The following LRMDA variants were observed in gnomAD, a reference collection of about 807,000 sequenced individuals.
The protein encoded by LRMDA is leucine rich melanocyte differentiation associated.
In LRMDA, 18 loss-of-function variants were observed where a neutral mutation model predicts 29.8. The observed-to-expected ratio is 0.60, with a 90% confidence interval of 0.42 to 0.90. LRMDA has a LOEUF of 0.90. Among genes scored for constraint, LRMDA ranks in the 40% least tolerant of loss-of-function variants. The probability of loss-of-function intolerance (pLI) is 0.00; values close to 1 mark genes in which losing one functional copy is unlikely to be tolerated. For synonymous variants in LRMDA, 125 were observed against 109.4 expected (o/e 1.14, Z -0.89); for missense variants, 273 against 273.9 (o/e 1.00, Z 0.02).
At chr10:76,310,974 G>T (rs1253943237) in intron 5 of LRMDA, among the ~76,000 whole-genome samples, 1 of 152,210 alleles carries the variant, frequency 6.6e-6, no homozygotes, top group East Asian at 1.9e-4. Context: ...CTCTTGCAAA[G>T]AGTGAGAGCA....
intron 2 of LRMDA, among the ~76,000 whole-genome samples, chr10:76,012,489 G>A (rs1012927156): frequency 1.3e-5 from 2 of 152,224 alleles, no homozygotes; most frequent in Non-Finnish European, 2.9e-5. Context: ...TTTCCTCCGA[G>A]TCTTTTTTAA....
intron 2 of LRMDA, among the ~76,000 whole-genome samples, chr10:75,753,017 T>G (rs1384033959): frequency 2.0e-5 from 3 of 152,178 alleles, no homozygotes; most frequent in Non-Finnish European, 4.4e-5. Flanking sequence ...AGATTGTGTC[T>G]GATTCAGATA....
chr10:76,389,203 G>C (rs7909862), intron 6 of LRMDA, among the ~76,000 whole-genome samples: 47,928 of 152,072 alleles, frequency 0.32, 10,571 homozygotes, highest in African/African-American at 0.62. Context: ...ACGGCATGTA[G>C]AAAGCCCCCA....
chr10:75,979,659 C>T (rs1427230243), intron 2 of LRMDA, among the ~76,000 whole-genome samples: 1 of 152,028 alleles, frequency 6.6e-6, no homozygotes, highest in African/African-American at 2.4e-5. Context: ...CTTCCCTTTT[C>T]CCCTTCTCTG....
At chr10:75,441,907 G>A (rs1353870733) in intron 2 of LRMDA, among the ~76,000 whole-genome samples, 1 of 152,138 alleles carries the variant, frequency 6.6e-6, no homozygotes. Flanking sequence ...TTACTTTTAG[G>A]CAAGGAGTTC....
chr10:76,091,279 G>A (rs931335844), intron 5 of LRMDA, among the ~76,000 whole-genome samples: 7 of 29,328 alleles, frequency 2.4e-4, no homozygotes, highest in South Asian at 1.3e-3. Flanking sequence ...TGGTGGACGT[G>A]TGTGTGTGTG....
At position 75,485,843 on chromosome 10, in the gene LRMDA, G is replaced by A. The variant is rs140368143; in HGVS notation, c.131+47349G>A. On this transcript the variant is annotated intron_variant, in intron 2 of 6. Transcript: ENST00000611255. ...TCTGCCTGCCTTGGCATCCCAAAGT[G>A]CTGGGGTTACAGATGTGAGCCACTG... 4.4e-3 allele frequency among the ~76,000 whole-genome samples: 666 copies of A among 152,274 alleles called. 3 individuals are homozygous for A. Among genetic ancestry groups the A allele is most frequent in the African/African-American group, 0.015 (637 of 41,544 alleles).
chr10:76,041,771 T>G (rs1037390613), intron 3 of LRMDA, among the ~76,000 whole-genome samples: 4 of 152,162 alleles, frequency 2.6e-5, no homozygotes, highest in Non-Finnish European at 5.9e-5. Context: ...AGCTGGGCTC[T>G]GCAATGGCAA....
chr10:76,126,950 C>T (rs1453306680), intron 5 of LRMDA, among the ~76,000 whole-genome samples: 12 of 152,212 alleles, frequency 7.9e-5, no homozygotes, highest in Non-Finnish European at 1.8e-4. Context: ...GTCCAGATAC[C>T]TGGCTGAATG....
chr10:75,911,180 C>T (rs940879463), intron 2 of LRMDA, among the ~76,000 whole-genome samples: 1 of 152,150 alleles, frequency 6.6e-6, no homozygotes, highest in African/African-American at 2.4e-5. Context: ...GAAAAGCTGG[C>T]TTGTCCCTCC....
At chr10:76,426,106 G>A (rs1035423624) in intron 6 of LRMDA, among the ~76,000 whole-genome samples, 7 of 152,110 alleles carry the variant, frequency 4.6e-5, no homozygotes, top group African/African-American at 1.7e-4. Flanking sequence ...ATATTCCTTT[G>A]GGTATATAGC....
chr10:75,994,249 C>T (rs1366727540), intron 2 of LRMDA, among the ~76,000 whole-genome samples: 1 of 152,146 alleles, frequency 6.6e-6, no homozygotes, highest in Non-Finnish European at 1.5e-5. Flanking sequence ...TTTATATATC[C>T]AAGCTAACCT....
intron 2 of LRMDA, among the ~76,000 whole-genome samples, chr10:75,730,112 G>C (rs1842678534): frequency 6.6e-6 from 1 of 152,070 alleles, no homozygotes; most frequent in Non-Finnish European, 1.5e-5. Flanking sequence ...ACCACACCTG[G>C]CCTCTGGCTG....
chr10:76,390,018 G>A (rs1399234851), intron 6 of LRMDA, among the ~76,000 whole-genome samples: 1 of 151,952 alleles, frequency 6.6e-6, no homozygotes, highest in African/African-American at 2.4e-5. Context: ...ATTTAAAATG[G>A]CCAGATTATG....
At chr10:76,457,003 G>T (rs975394840) in intron 6 of LRMDA, among the ~76,000 whole-genome samples, 4 of 152,098 alleles carry the variant, frequency 2.6e-5, no homozygotes, top group African/African-American at 9.7e-5. Flanking sequence ...CCGTAACTCC[G>T]ACTTTGAACA....
At chr10:75,517,779 A>C (rs377201794) in intron 2 of LRMDA, among the ~76,000 whole-genome samples, 1 of 152,172 alleles carries the variant, frequency 6.6e-6, no homozygotes, top group African/African-American at 2.4e-5. Context: ...GTCTTGTGCC[A>C]GTTTTCAAAG....
intron 2 of LRMDA, among the ~76,000 whole-genome samples, chr10:75,931,061 A>G (rs1359038): frequency 0.96 from 146,611 of 152,254 alleles, 70,625 homozygotes; most frequent in East Asian, 1. Context: ...AACAGACAAG[A>G]GACAATTATG....
intron 5 of LRMDA, among the ~76,000 whole-genome samples, chr10:76,104,758 G>A (rs1200875584): frequency 6.6e-6 from 1 of 152,086 alleles, no homozygotes. Flanking sequence ...GTGGATGGAT[G>A]AGAAGACGAA....
At chr10:76,039,546 A>G (rs770156737) in intron 3 of LRMDA, among the ~76,000 whole-genome samples, 1 of 152,214 alleles carries the variant, frequency 6.6e-6, no homozygotes, top group South Asian at 2.1e-4. Flanking sequence ...AAATGTGTCT[A>G]TAATAATGCT....
Sources: allele counts gnomAD v4.1 joint callset (sites outside exome capture counted in the v4.1 genomes callset), GRCh38; gene constraint gnomAD v4.1.1; transcripts MANE v1.5; gene names NCBI Gene and HGNC (gene_info 2026-07-23, HGNC 2026-07-21).